Variants in EIF3A observed in about 807,000 individuals in gnomAD.
The protein encoded by EIF3A is EIF3, p180 subunit.
EIF3A carries 21 observed loss-of-function variants against 186.6 expected under a neutral mutation model. The ratio of observed to expected loss-of-function variants is 0.11; its 90% CI spans 0.08 to 0.16. The LOEUF is 0.16. Among genes scored for constraint, EIF3A ranks in the 10% least tolerant of loss-of-function variants. EIF3A has a pLI of 1.00. For missense variants in EIF3A, 1,306 were observed against 1,796.3 expected, an observed-to-expected ratio of 0.73 and a Z score of 4.93; for synonymous variants, 563 against 584.3, an observed-to-expected ratio of 0.96 and a Z score of 0.52.
chr10:119,074,692 G>A (rs888051050), intron 1 of EIF3A, among the ~76,000 whole-genome samples: 2 of 151,286 alleles, frequency 1.3e-5, no homozygotes. Flanking sequence ...CCAACACTTT[G>A]GGAGGACGAG....
At position 119,049,872 on chromosome 10, in the gene EIF3A, A is replaced by G. The variant is rs774467706; in HGVS notation, c.2587T>C (p.Leu863=). 1.2e-6 allele frequency: 2 copies of G among 1,613,504 alleles called. No individual in the cohort carries two copies. The highest frequency in any genetic ancestry group is 1.7e-6 in the Non-Finnish European group (2 of 1,179,884). The part of the protein sequence containing the change: ...EVERKKRQRE[L]EIEERERRRE... The stretch of plus-strand genomic sequence containing the variant: ...CGCCGTTCTCGTTCTTCAATTTCCA[A>G]CTCCCTTTGGCGTTTTTTCCTTTCC... Residue 863 remains leucine, a synonymous_variant, in exon 17 of 22, where the codon TTG becomes CTG. Coordinates refer to ENST00000369144, the MANE Select transcript of EIF3A (RefSeq NM_003750.4).
chr10:119,061,143 C>T, intron 8 of EIF3A, 81 bp downstream of exon 8: 1 of 729,516 alleles, frequency 1.4e-6, no homozygotes, highest in Non-Finnish European at 2.3e-6. Context: ...AAACTTCTCT[C>T]TTAACAAATA....
intron 1 of EIF3A, among the ~76,000 whole-genome samples, chr10:119,079,550 A>G (rs1844229522): frequency 6.6e-6 from 1 of 152,068 alleles, no homozygotes. Flanking sequence ...AGAGCTATCC[A>G]TGCCCTAACG....
rs1417874876 is a variant in EIF3A at position 119,033,685 on chromosome 10, GATTT to G, written c.*2350_*2353del. On this transcript the variant is annotated 3_prime_UTR_variant, in exon 22 of 22. Coordinates refer to ENST00000369144, the MANE Select transcript of EIF3A (RefSeq NM_003750.4). ...TGAGAACAACTTTTGTCATAGATTTGATTTATTAAACCAAAATTATACATATTAA... is the reference window on the plus strand; with the variant it reads ...TGAGAACAACTTTTGTCATAGATTTGATTAAACCAAAATTATACATATTAA... 7.8e-5 allele frequency: 13 copies of G among 166,388 alleles called. No homozygotes were observed. Among genetic ancestry groups the G allele is most frequent in the Middle Eastern group, 3.4e-3 (1 of 296 alleles). The allele number at this position is 166,388 out of a possible 1,614,324, so 10.3% of individuals were successfully genotyped here.
chr10:119,068,971 CAAAAAAAAAA>C (rs59413780), intron 6 of EIF3A, among the ~76,000 whole-genome samples: 8 of 99,024 alleles, frequency 8.1e-5, no homozygotes, highest in African/African-American at 2.2e-4. Context: ...CTCTGTCTTG[CAAAAAAAAAA>C]AAAAAAAAAG....
At position 119,036,038 on chromosome 10, in the gene EIF3A, C is replaced by G; in HGVS notation, c.*1G>C. On this transcript the variant is annotated 3_prime_UTR_variant, in exon 22 of 22. Coordinates refer to ENST00000369144, the MANE Select transcript of EIF3A (RefSeq NM_003750.4). The stretch of plus-strand genomic sequence containing the variant: ...CCAGTTTAAATCCATTATCTTGAGA[C>G]TTAACGTCGTACTGTGGTCCATCCA... 6.2e-7 allele frequency: 1 copy of G among 1,610,118 alleles called. No individual in the cohort carries two copies. The highest frequency in any genetic ancestry group is 8.5e-7 in the Non-Finnish European group (1 of 1,176,342).
chr10:119,039,438 A>C (rs1848179138), intron 19 of EIF3A, among the ~76,000 whole-genome samples: 1 of 151,764 alleles, frequency 6.6e-6, no homozygotes, highest in African/African-American at 2.4e-5. Context: ...TGGGAGGCTG[A>C]GGAGGGTGGA....
intron 3 of EIF3A, 139 bp downstream of exon 3, chr10:119,073,302 C>T (rs1298331168): frequency 4.2e-6 from 3 of 719,892 alleles, no homozygotes; most frequent in Non-Finnish European, 6.7e-6. Context: ...CATAAATTAA[C>T]TGGTTACTAT....
Position 119,066,505 on chromosome 10 carries a change from CAAAAAAAAAAAAAAAA to C in EIF3A, c.951-951_951-936del, listed in dbSNP as rs71016533. ...GCCTGGGGGGCAGAGTTAAGACTGT[CAAAAAAAAAAAAAAAA>C]AAAAAAAAAAAAAAAAAACCTAAGG... On this transcript the variant is annotated intron_variant, in intron 6 of 21. Transcript: ENST00000369144. Among the ~76,000 whole-genome samples, 125 of 47,508 alleles carry C rather than the reference CAAAAAAAAAAAAAAAA, an allele frequency of 2.6e-3. 1 individual carries two copies. In the East Asian group the frequency reaches 0.076, roughly 29 times the overall value. The allele number at this position is 47,508 out of a possible 152,430, so 31.2% of individuals were successfully genotyped here.
At chr10:119,074,571 C>T (rs1844128359) in intron 1 of EIF3A, among the ~76,000 whole-genome samples, 1 of 151,802 alleles carries the variant, frequency 6.6e-6, no homozygotes, top group Non-Finnish European at 1.5e-5. Flanking sequence ...TGAAACTATG[C>T]ACTCTCTTTG....
At chr10:119,073,351 A>T in intron 3 of EIF3A, 90 bp downstream of exon 3, 1 of 1,012,458 alleles carries the variant, frequency 9.9e-7, no homozygotes, top group Non-Finnish European at 1.5e-6. Flanking sequence ...TTTTCTGATA[A>T]ACATCTACTT....
rs745975112 is a variant in EIF3A, at chr10:119,037,158, C to A, written c.3880G>T (p.Asp1294Tyr). The change falls in exon 21 of 22, where the codon GAC becomes TAC. Residue 1294 changes from aspartate (D) to tyrosine (Y), a missense_variant. Around this residue, in one of 8 missense-constraint regions of EIF3A, gnomAD observed 331 missense variants for 365.8 expected, o/e 0.90. Coordinates refer to ENST00000369144, the MANE Select transcript of EIF3A (RefSeq NM_003750.4). ...GATCTGAGTGGAGGTCCTCTTCGGT[C>A]CCTGTCGTCTCTTAGATCTCGTCTT... ...RERRDLRDDRDRRGPPLRSER... is the reference protein window; with the variant it reads ...RERRDLRDDRYRRGPPLRSER... The A allele has an allele frequency of 1.2e-6, 2 of 1,607,364 alleles. No homozygotes were observed. Among genetic ancestry groups the A allele is most frequent in the South Asian group, 2.2e-5 (2 of 90,968 alleles).
At chr10:119,070,829 G>A in intron 5 of EIF3A, 57 bp downstream of exon 5, 2 of 1,241,418 alleles carry the variant, frequency 1.6e-6, no homozygotes, top group Non-Finnish European at 2.4e-6. Context: ...ATTAAGGGGG[G>A]AGAAAAGTAA....
At position 119,070,913 on chromosome 10, in the gene EIF3A, G is replaced by A. The variant is rs765076431; in HGVS notation, c.714C>T (p.Asp238=). Reference sequence around the variant, plus strand: ...GCCACAATTCCATGCTGATAGCACTGTCCAGCTGAACAAGTCTGGTTTCCA... The same window carrying A: ...GCCACAATTCCATGCTGATAGCACTATCCAGCTGAACAAGTCTGGTTTCCA... ...MHLETRLVQL[D]SAISMELWQE... The change falls in exon 5 of 22, where the codon GAC becomes GAT. Residue 238 remains aspartate, a synonymous_variant. Transcript: ENST00000369144. 4 of 1,613,280 alleles carry A rather than the reference G, an allele frequency of 2.5e-6. No individual in the cohort carries two copies. Among genetic ancestry groups the A allele is most frequent in the Admixed American group, 3.3e-5 (2 of 59,996 alleles).
chr10:119,060,609 TAATA>T (rs1285161358), intron 9 of EIF3A, 133 bp downstream of exon 9: 8 of 570,984 alleles, frequency 1.4e-5, no homozygotes, highest in South Asian at 2.4e-5. Context: ...ATTTTCAAAT[TAATA>T]AATAGACTAA....
At chr10:119,054,557 A>C (rs1315722444) in intron 14 of EIF3A, among the ~76,000 whole-genome samples, 1 of 151,210 alleles carries the variant, frequency 6.6e-6, no homozygotes, top group African/African-American at 2.4e-5. Context: ...TCTAATTAAA[A>C]AAAAAAAAAA....
At chr10:119,058,887 G>GA (rs60047927) in intron 11 of EIF3A, among the ~76,000 whole-genome samples, 10 of 151,266 alleles carry the variant, frequency 6.6e-5, no homozygotes, top group African/African-American at 2.2e-4. Flanking sequence ...TCTCAAAAAA[G>GA]AAAAAAAAGA....
intron 14 of EIF3A, among the ~76,000 whole-genome samples, chr10:119,054,771 A>G (rs112789508): frequency 1.3e-5 from 2 of 151,932 alleles, no homozygotes; most frequent in African/African-American, 4.8e-5. Context: ...CAACTTGATT[A>G]GTGCAAGAGG....
intron 17 of EIF3A, among the ~76,000 whole-genome samples, chr10:119,045,640 AAAG>A (rs539736553): frequency 8.0e-4 from 122 of 152,288 alleles, no homozygotes; most frequent in African/African-American, 2.8e-3. Flanking sequence ...AAACAAACAA[AAAG>A]AAGTAACTCT....
Sources: allele counts gnomAD v4.1 joint callset (sites outside exome capture counted in the v4.1 genomes callset), GRCh38; gene constraint gnomAD v4.1.1; regional missense constraint gnomAD v4.1.1; transcripts MANE v1.5; gene names NCBI Gene and HGNC (gene_info 2026-07-23, HGNC 2026-07-21).